Variants in DNAH9 observed in about 807,000 individuals in gnomAD.
The protein encoded by DNAH9 is dynein axonemal heavy chain 9, also known as DNAH9 variant protein.
A neutral mutation model predicts 471.6 loss-of-function variants in DNAH9; 345 were observed. That is an observed-to-expected ratio of 0.73 (90% CI 0.67 to 0.80). The LOEUF (loss-of-function observed/expected upper bound fraction) is 0.80. DNAH9 is among the 30% of genes least tolerant of loss of function. The pLI is 0.00. For missense variants in DNAH9, 5,407 were observed against 5,609.2 expected, an observed-to-expected ratio of 0.96 and a Z score of 1.15; for synonymous variants, 2,093 against 2,123.6, an observed-to-expected ratio of 0.99 and a Z score of 0.40.
intron 50 of DNAH9, among the ~76,000 whole-genome samples, chr17:11,856,490 G>T (rs9911659): frequency 0.42 from 63,596 of 150,316 alleles, 13,780 homozygotes; most frequent in Non-Finnish European, 0.47. Context: ...ATGAGGCCGG[G>T]AGATCGAGAC....
intron 49 of DNAH9, among the ~76,000 whole-genome samples, chr17:11,843,890 T>TATATATATATACACAC (rs1389217941): frequency 7.9e-6 from 1 of 127,230 alleles, no homozygotes; most frequent in African/African-American, 3.1e-5. Context: ...TATATATATA[T>TATATATATATACACAC]ACACATAGAG....
At chr17:11,611,514 C>A in intron 3 of DNAH9, 136 bp from the exon 4 acceptor site, 1 of 880,886 alleles carries the variant, frequency 1.1e-6, no homozygotes, top group Non-Finnish European at 1.8e-6. Flanking sequence ...TGTCCAGGCT[C>A]TTTGGGCTGG....
chr17:11,803,421 C>G (rs1238514076), intron 43 of DNAH9, among the ~76,000 whole-genome samples: 1 of 152,168 alleles, frequency 6.6e-6, no homozygotes, highest in Non-Finnish European at 1.5e-5. Flanking sequence ...CACGCACATG[C>G]GTGTCTAGTC....
intron 1 of DNAH9, among the ~76,000 whole-genome samples, chr17:11,604,586 C>T (rs560385013): frequency 3.2e-4 from 49 of 152,296 alleles, no homozygotes; most frequent in African/African-American, 1.2e-3. Flanking sequence ...AACAAAAGCT[C>T]CTGTATCTTC....
intron 50 of DNAH9, among the ~76,000 whole-genome samples, chr17:11,861,204 G>C (rs1420898318): frequency 6.6e-6 from 1 of 151,820 alleles, no homozygotes; most frequent in African/African-American, 2.4e-5. Flanking sequence ...AGTCCCCAGA[G>C]TGTGATGTTC....
intron 51 of DNAH9, 69 bp from the exon 52 acceptor site, chr17:11,871,529 G>C: frequency 6.9e-7 from 1 of 1,451,702 alleles, no homozygotes. Context: ...CGCTCTCCAT[G>C]ATGGAATCAC....
At chr17:11,809,056 G>T (rs1324092893) in intron 44 of DNAH9, among the ~76,000 whole-genome samples, 1 of 152,180 alleles carries the variant, frequency 6.6e-6, no homozygotes, top group African/African-American at 2.4e-5. Context: ...GCAACATCAA[G>T]AACTGATGGC....
intron 23 of DNAH9, among the ~76,000 whole-genome samples, chr17:11,700,878 C>T (rs1255367607): frequency 6.6e-6 from 1 of 152,170 alleles, no homozygotes; most frequent in African/African-American, 2.4e-5. Context: ...CCTTAACCTG[C>T]TACTCTGTCC....
intron 58 of DNAH9, among the ~76,000 whole-genome samples, 200 bp from the exon 59 acceptor site, chr17:11,894,174 A>G (rs1973152224): frequency 6.6e-6 from 1 of 152,154 alleles, no homozygotes; most frequent in Non-Finnish European, 1.5e-5. Context: ...TCACTCTCAT[A>G]TTTGGGGTGA....
chr17:11,910,890 G>C (rs568490934), intron 61 of DNAH9, among the ~76,000 whole-genome samples: 1 of 152,118 alleles, frequency 6.6e-6, no homozygotes, highest in Admixed American at 6.5e-5. Context: ...TAGGTTACTT[G>C]TCCTTTTATC....
chr17:11,758,579 G>A (rs1967509254), intron 35 of DNAH9, among the ~76,000 whole-genome samples: 1 of 152,024 alleles, frequency 6.6e-6, no homozygotes, highest in Admixed American at 6.6e-5. Flanking sequence ...TTTCTTCCTT[G>A]GCTTGTCAAG....
intron 38 of DNAH9, among the ~76,000 whole-genome samples, chr17:11,772,448 T>G (rs1968247378): frequency 6.6e-6 from 1 of 152,124 alleles, no homozygotes; most frequent in Non-Finnish European, 1.5e-5. Context: ...TTCCCTCCTG[T>G]TAGAACACAG....
chr17:11,809,717 C>G (rs897451583), intron 44 of DNAH9, among the ~76,000 whole-genome samples: 4 of 152,126 alleles, frequency 2.6e-5, no homozygotes, highest in African/African-American at 9.7e-5. Context: ...TTGTTTGAGT[C>G]TTACATATAA....
chr17:11,654,469 G>A (rs559471647), intron 14 of DNAH9, among the ~76,000 whole-genome samples: 1 of 150,674 alleles, frequency 6.6e-6, no homozygotes, highest in East Asian at 2.0e-4. Context: ...TCAAATCCAT[G>A]CTCTTGAAAG....
chr17:11,711,497 T>C (rs1255667497), intron 26 of DNAH9, among the ~76,000 whole-genome samples: 2 of 152,116 alleles, frequency 1.3e-5, no homozygotes, highest in Non-Finnish European at 2.9e-5. Flanking sequence ...TGTATTCTGT[T>C]CCATCAGTCT....
chr17:11,812,662 C>G (rs2322054), intron 45 of DNAH9, among the ~76,000 whole-genome samples: 94,355 of 151,300 alleles, frequency 0.62, 29,685 homozygotes, highest in African/African-American at 0.68. Flanking sequence ...GGCTGCTAGC[C>G]TTGCACTCAT....
intron 56 of DNAH9, among the ~76,000 whole-genome samples, chr17:11,884,952 A>G (rs72815426): frequency 0.011 from 1,706 of 152,176 alleles, 8 homozygotes; most frequent in South Asian, 0.04. Context: ...TTTAAAATCA[A>G]TGAACACTTA....
At chr17:11,763,642 C>G in intron 36 of DNAH9, 28 bp downstream of exon 36, 1 of 1,605,244 alleles carries the variant, frequency 6.2e-7, no homozygotes, top group South Asian at 1.1e-5. Context: ...GCTCAACAAC[C>G]ACACTGAAGT....
intron 32 of DNAH9, among the ~76,000 whole-genome samples, chr17:11,751,353 T>C (rs1259708982): frequency 6.6e-6 from 1 of 151,886 alleles, no homozygotes; most frequent in Non-Finnish European, 1.5e-5. Context: ...ACACAAATAT[T>C]CTAAATAAAA....
Sources: gnomAD v4.1 joint callset for allele counts (sites outside exome capture counted in the v4.1 genomes callset) on GRCh38, gnomAD v4.1.1 for gene constraint, MANE v1.5 for transcripts, NCBI Gene and HGNC (gene_info 2026-07-23, HGNC 2026-07-21) for gene names.